CDH23: variants seen among roughly 807,000 people sequenced by gnomAD.
CDH23 encodes cadherin-23.
CDH23 carries 189 observed loss-of-function variants against 317.1 expected under a neutral mutation model. The ratio of observed to expected loss-of-function variants is 0.60; its 90% confidence interval spans 0.53 to 0.67. The LOEUF (loss-of-function observed/expected upper bound fraction) is 0.67, where lower values mean the gene tolerates loss of function less well. Among genes scored for constraint, CDH23 ranks in the 30% least tolerant of loss-of-function variants. The pLI is 0.00. For synonymous variants in CDH23, 1,839 were observed against 1,876.8 expected (o/e 0.98, Z 0.52); for missense variants, 4,401 against 4,592.4 (o/e 0.96, Z 1.20).
chr10:71,808,064 G>C, intron 60 of CDH23, 57 bp downstream of exon 60: 1 of 1,549,072 alleles, frequency 6.5e-7, no homozygotes, highest in Non-Finnish European at 8.7e-7. Context: ...TCACTGCATG[G>C]ACTGTCATCT....
At chr10:71,574,198 G>A (rs1858010886) in intron 8 of CDH23, among the ~76,000 whole-genome samples, 2 of 150,734 alleles carry the variant, frequency 1.3e-5, no homozygotes, top group South Asian at 2.1e-4. Context: ...CTTTATCTGC[G>A]GCTCACAGCA....
chr10:71,564,797 C>A (rs558232275), intron 6 of CDH23, among the ~76,000 whole-genome samples: 1 of 152,306 alleles, frequency 6.6e-6, no homozygotes, highest in South Asian at 2.1e-4. Context: ...TGGTAGAATT[C>A]ACCAGTGAAG....
intron 3 of CDH23, among the ~76,000 whole-genome samples, chr10:71,457,324 T>C (rs550620480): frequency 3.3e-5 from 5 of 152,322 alleles, no homozygotes; most frequent in African/African-American, 1.2e-4. Flanking sequence ...GTTTAACCCT[T>C]ACAGTGATGA....
chr10:71,419,586 G>T (rs904516489), intron 1 of CDH23, among the ~76,000 whole-genome samples: 4 of 152,108 alleles, frequency 2.6e-5, no homozygotes, highest in Non-Finnish European at 5.9e-5. Flanking sequence ...CATGCAGAAA[G>T]GTCAAAAGAC....
At position 71,570,685 on chromosome 10, in the gene CDH23, C is replaced by T. The variant is rs1025665090; in HGVS notation, c.625-105C>T. ...GTGTGTGTGCGTGTGCATGTGTTTG[C>T]ACTTATGTGCTGCACGGTGCAGGTC... On this transcript the variant is annotated intron_variant, in intron 7 of 69. Transcript: ENST00000224721. 3 of 1,331,910 alleles carry T rather than the reference C, an allele frequency of 2.3e-6. No homozygotes were observed. The African/African-American group carries it at 4.4e-5, about 20-fold the overall frequency. The allele number at this position is 1,331,910 out of a possible 1,614,324, so 82.5% of individuals were successfully genotyped here. A position where few individuals can be genotyped will look rare whatever the true frequency, so the allele number is the denominator to read the frequency against.
At chr10:71,430,872 T>C (rs1003688068) in intron 1 of CDH23, among the ~76,000 whole-genome samples, 3 of 152,072 alleles carry the variant, frequency 2.0e-5, no homozygotes, top group African/African-American at 7.2e-5. Flanking sequence ...GTCCCCCATA[T>C]AGAAGGACAC....
intron 11 of CDH23, among the ~76,000 whole-genome samples, chr10:71,630,233 G>A (rs1310297082): frequency 6.6e-6 from 1 of 152,116 alleles, no homozygotes; most frequent in Non-Finnish European, 1.5e-5. Context: ...CATTGCCTAA[G>A]CTGGTCTCAA....
intron 28 of CDH23, chr10:71,716,519 T>A: frequency 1.8e-6 from 1 of 544,356 alleles, no homozygotes; most frequent in South Asian, 2.7e-5. Flanking sequence ...AGTCTAAGTG[T>A]ACACACAGCT....
chr10:71,677,419 C>A, intron 15 of CDH23, 37 bp from the exon 16 acceptor site: 1 of 1,529,858 alleles, frequency 6.5e-7, no homozygotes, highest in Non-Finnish European at 8.9e-7. Context: ...TTTTAAACCA[C>A]GGTGTTCCTT....
intron 18 of CDH23, among the ~76,000 whole-genome samples, chr10:71,684,545 C>G (rs922923478): frequency 6.6e-6 from 1 of 152,216 alleles, no homozygotes; most frequent in Non-Finnish European, 1.5e-5. Context: ...GCTGTGTGAC[C>G]TGGGTCTCTG....
chr10:71,559,332 T>G (rs12247922), intron 6 of CDH23, among the ~76,000 whole-genome samples: 11,155 of 152,292 alleles, frequency 0.073, 599 homozygotes, highest in African/African-American at 0.15. Flanking sequence ...TAAATGGATG[T>G]GTTCAATCTG....
intron 34 of CDH23, chr10:71,737,950 GC>G: frequency 2.5e-6 from 1 of 394,312 alleles, no homozygotes; most frequent in Non-Finnish European, 5.2e-6. Context: ...CCACCTTGCA[GC>G]CCCCTCCTGC....
At chr10:71,575,462 C>T (rs1255218824) in intron 8 of CDH23, among the ~76,000 whole-genome samples, 5 of 152,166 alleles carry the variant, frequency 3.3e-5, no homozygotes, top group Admixed American at 1.3e-4. Context: ...TCAAAGGATT[C>T]GAGCGCACGC....
At chr10:71,792,103 A>G (rs1841266823) in intron 47 of CDH23, among the ~76,000 whole-genome samples, 1 of 152,246 alleles carries the variant, frequency 6.6e-6, no homozygotes, top group African/African-American at 2.4e-5. Context: ...ACAAGACTCC[A>G]GGACAAAGTA....
intron 7 of CDH23, among the ~76,000 whole-genome samples, chr10:71,567,166 C>T (rs186683997): frequency 2.0e-5 from 3 of 152,328 alleles, no homozygotes; most frequent in African/African-American, 7.2e-5. Context: ...CAAGCAGCCC[C>T]GTGTCATAAG....
At chr10:71,482,917 T>G (rs1852145657) in intron 3 of CDH23, among the ~76,000 whole-genome samples, 1 of 152,196 alleles carries the variant, frequency 6.6e-6, no homozygotes. Context: ...AGCGTGCCCA[T>G]TAATCTGTAG....
At chr10:71,718,934 C>T (rs1358022067) in intron 28 of CDH23, among the ~76,000 whole-genome samples, 1 of 151,858 alleles carries the variant, frequency 6.6e-6, no homozygotes, top group African/African-American at 2.4e-5. Context: ...TTTAATTAGC[C>T]AGGTGTGGTA....
At chr10:71,682,680 T>A in intron 18 of CDH23, 108 bp downstream of exon 18, 1 of 1,406,722 alleles carries the variant, frequency 7.1e-7, no homozygotes, top group Non-Finnish European at 9.8e-7. Flanking sequence ...TGGCTGTCCC[T>A]GCACCTTGGG....
chr10:71,812,429 G>A (rs949600434), intron 66 of CDH23, 51 bp from the exon 67 acceptor site: 5 of 1,611,102 alleles, frequency 3.1e-6, no homozygotes, highest in African/African-American at 2.7e-5. Flanking sequence ...AAGGGCACCT[G>A]TCTACTCGAG....
Sources: gnomAD v4.1 joint callset for allele counts (sites outside exome capture counted in the v4.1 genomes callset) on GRCh38, gnomAD v4.1.1 for gene constraint, MANE v1.5 for transcripts, NCBI Gene and HGNC (gene_info 2026-07-23, HGNC 2026-07-21) for gene names.